Variants in COP1 observed in about 807,000 individuals in gnomAD.
COP1 encodes the protein E3 ubiquitin-protein ligase COP1.
Under a neutral mutation model 101.3 loss-of-function variants are expected in COP1, and 24 were observed. That is an observed-to-expected ratio of 0.24 (90% CI 0.17 to 0.33). The LOEUF (loss-of-function observed/expected upper bound fraction) is 0.33. COP1 is among the 10% of genes least tolerant of loss of function. COP1 has a pLI of 1.00. For missense variants in COP1, 663 were observed against 906.2 expected (o/e 0.73, Z 3.45); for synonymous variants, 347 against 341.9 (o/e 1.01, Z -0.17).
chr1:176,087,392 G>A (rs1680415846), intron 9 of COP1, among the ~76,000 whole-genome samples: 1 of 152,022 alleles, frequency 6.6e-6, no homozygotes, highest in East Asian at 1.9e-4. Flanking sequence ...AATCTACAAA[G>A]AACACAAAGA....
At chr1:176,150,469 A>G (rs2149833025) in intron 5 of COP1, among the ~76,000 whole-genome samples, 1 of 152,328 alleles carries the variant, frequency 6.6e-6, no homozygotes, top group Middle Eastern at 3.4e-3. Context: ...TTAATCTGTC[A>G]CACAGAACAA....
chr1:176,182,750 T>C (rs1697957312), intron 2 of COP1, among the ~76,000 whole-genome samples: 1 of 152,170 alleles, frequency 6.6e-6, no homozygotes, highest in East Asian at 1.9e-4. Context: ...GCCAAGACCA[T>C]ACCTGTATCA....
At chr1:176,060,241 T>G (rs1031157153) in intron 11 of COP1, among the ~76,000 whole-genome samples, 12 of 152,200 alleles carry the variant, frequency 7.9e-5, no homozygotes, top group African/African-American at 2.9e-4. Context: ...ATACACTACC[T>G]GATAGACTAT....
At chr1:176,158,510 T>C (rs1305078393) in intron 5 of COP1, among the ~76,000 whole-genome samples, 1 of 151,938 alleles carries the variant, frequency 6.6e-6, no homozygotes, top group Admixed American at 6.6e-5. Flanking sequence ...TCTCCATAAT[T>C]TAACCACAAT....
At chr1:176,054,753 G>A (rs1414099777) in intron 11 of COP1, among the ~76,000 whole-genome samples, 2 of 151,880 alleles carry the variant, frequency 1.3e-5, no homozygotes, top group African/African-American at 2.4e-5. Context: ...TTTTCCATAA[G>A]GCTTCCATGT....
chr1:176,047,627 T>C (rs1217076423), intron 11 of COP1, among the ~76,000 whole-genome samples: 6 of 152,238 alleles, frequency 3.9e-5, no homozygotes, highest in Non-Finnish European at 8.8e-5. Context: ...GCTCTGTATC[T>C]ATTAAGCATT....
At chr1:176,174,755 C>T (rs144920932) in intron 3 of COP1, among the ~76,000 whole-genome samples, 1 of 152,270 alleles carries the variant, frequency 6.6e-6, no homozygotes, top group African/African-American at 2.4e-5. Flanking sequence ...AGTCACCACA[C>T]CCTAACTCTG....
At chr1:176,026,908 T>C (rs1374353144) in intron 15 of COP1, among the ~76,000 whole-genome samples, 1 of 152,156 alleles carries the variant, frequency 6.6e-6, no homozygotes, top group Non-Finnish European at 1.5e-5. Flanking sequence ...GGTGACCATA[T>C]GATTTATCTT....
intron 9 of COP1, among the ~76,000 whole-genome samples, chr1:176,098,173 C>A (rs1056185084): frequency 1.3e-5 from 2 of 152,058 alleles, no homozygotes; most frequent in Admixed American, 6.6e-5. Context: ...TAAAACCTGG[C>A]GACATAAGGA....
chr1:176,115,378 A>C (rs989635634), intron 9 of COP1, among the ~76,000 whole-genome samples: 2 of 152,112 alleles, frequency 1.3e-5, no homozygotes, highest in African/African-American at 4.8e-5. Context: ...TGAACCCAGA[A>C]GGCAGAGGTT....
intron 3 of COP1, among the ~76,000 whole-genome samples, chr1:176,170,574 G>C (rs1370135219): frequency 6.6e-6 from 1 of 152,124 alleles, no homozygotes. Context: ...GTGGTCTTAC[G>C]ATATTCAGTA....
At chr1:176,085,690 A>T in intron 10 of COP1, 86 bp downstream of exon 10, 1 of 686,504 alleles carries the variant, frequency 1.5e-6, no homozygotes, top group Non-Finnish European at 2.4e-6. Flanking sequence ...CTTTGCAATT[A>T]GGACTTTCCA....
chr1:176,005,189 G>A (rs1436464242), intron 15 of COP1, among the ~76,000 whole-genome samples: 3 of 152,062 alleles, frequency 2.0e-5, no homozygotes, highest in East Asian at 3.8e-4. Context: ...CTGTGGGATC[G>A]GTGGTGATAT....
intron 2 of COP1, among the ~76,000 whole-genome samples, chr1:176,183,691 T>C (rs963951980): frequency 1.3e-5 from 2 of 152,124 alleles, no homozygotes; most frequent in Admixed American, 6.6e-5. Flanking sequence ...AGCCAAAAGG[T>C]AGAAGAAGCA....
At position 175,969,178 on chromosome 1, in the gene COP1, T is replaced by G. The variant is rs150211435; in HGVS notation, c.2133+17765A>C. On this transcript the variant is annotated intron_variant, in intron 18 of 19. Coordinates refer to ENST00000367669, the MANE Select transcript of COP1 (RefSeq NM_022457.7). ...CCTGGATCTGAATTTTGGTTCTGCT[T>G]AATCCTTTTAGACATTCAATTTCTC... Among the ~76,000 whole-genome samples, 163 of 152,314 alleles carry G rather than the reference T, an allele frequency of 1.1e-3. 1 individual carries two copies. The highest frequency in any genetic ancestry group is 6.8e-3 in the Middle Eastern group (2 of 294).
intron 9 of COP1, among the ~76,000 whole-genome samples, chr1:176,112,240 C>G (rs1334397925): frequency 6.7e-6 from 1 of 150,204 alleles, no homozygotes; most frequent in African/African-American, 2.4e-5. Context: ...AAAAAAAATT[C>G]TGATTGTTTT....
At chr1:176,061,355 T>C (rs1304439517) in intron 11 of COP1, among the ~76,000 whole-genome samples, 2 of 152,174 alleles carry the variant, frequency 1.3e-5, no homozygotes, top group African/African-American at 4.8e-5. Flanking sequence ...CGGCTAGGCA[T>C]GGTGGCTCAC....
Position 175,986,931 on chromosome 1 carries a change from A to G in COP1, c.2133+12T>C. The G allele has an allele frequency of 1.9e-6, 3 of 1,566,314 alleles. No individual in the cohort carries two copies. Among genetic ancestry groups the G allele is most frequent in the African/African-American group, 1.4e-5 (1 of 72,806 alleles). ...GAGATCCCAAGGTGAAAAAACTGAT[A>G]TGAAAACTTACCCCATCTGGTAGTG... On this transcript the variant is annotated intron_variant, in intron 18 of 19. Transcript: ENST00000367669.
intron 9 of COP1, among the ~76,000 whole-genome samples, chr1:176,093,254 T>C (rs1187968960): frequency 6.6e-6 from 1 of 152,244 alleles, no homozygotes. Context: ...TATACTACTT[T>C]TAATATTCTA....
Sources: allele counts gnomAD v4.1 joint callset (sites outside exome capture counted in the v4.1 genomes callset), GRCh38; gene constraint gnomAD v4.1.1; transcripts MANE v1.5; gene names NCBI Gene and HGNC (gene_info 2026-07-23, HGNC 2026-07-21).